Variants in TENM4 observed in about 807,000 individuals in gnomAD.
TENM4 encodes the protein teneurin transmembrane protein 4.
TENM4 carries 82 observed loss-of-function variants against 243.3 expected under a neutral mutation model. The observed-to-expected ratio is 0.34, with a 90% CI of 0.28 to 0.40. The LOEUF is 0.40. Ranked by LOEUF, TENM4 falls within the 10% of genes least tolerant of loss-of-function variation. The pLI is 1.00. For missense variants in TENM4, 3,138 were observed against 3,673.3 expected (o/e 0.85, Z 3.77); for synonymous variants, 1,412 against 1,456.3 (o/e 0.97, Z 0.69).
intron 5 of TENM4, 85 bp from the exon 6 acceptor site, chr11:79,065,092 C>G: frequency 7.1e-7 from 1 of 1,417,326 alleles, no homozygotes; most frequent in South Asian, 1.6e-5. Flanking sequence ...CTTCTTACCC[C>G]AGGGCTCACT....
At chr11:79,020,621 A>T (rs1858901817) in intron 6 of TENM4, among the ~76,000 whole-genome samples, 1 of 151,476 alleles carries the variant, frequency 6.6e-6, no homozygotes, top group Non-Finnish European at 1.5e-5. Flanking sequence ...TTTTCCTGGC[A>T]TTAAAAAAAA....
At chr11:79,145,422 C>T (rs1862379026) in intron 4 of TENM4, among the ~76,000 whole-genome samples, 1 of 152,074 alleles carries the variant, frequency 6.6e-6, no homozygotes, top group Non-Finnish European at 1.5e-5. Flanking sequence ...GGGCAACCAC[C>T]ATCCAGACTT....
chr11:78,747,436 G>A (rs905583546), intron 19 of TENM4, among the ~76,000 whole-genome samples: 1 of 152,248 alleles, frequency 6.6e-6, no homozygotes, highest in Non-Finnish European at 1.5e-5. Flanking sequence ...CAGTAGGAAG[G>A]ATGTGAGGTT....
intron 4 of TENM4, among the ~76,000 whole-genome samples, chr11:79,124,869 G>T (rs1030584361): frequency 8.5e-6 from 1 of 117,394 alleles, no homozygotes; most frequent in Admixed American, 9.3e-5. Flanking sequence ...ATATGTATAT[G>T]TATGTGTATA....
chr11:79,222,987 G>C (rs1864193269), intron 2 of TENM4, among the ~76,000 whole-genome samples: 1 of 152,096 alleles, frequency 6.6e-6, no homozygotes, highest in Non-Finnish European at 1.5e-5. Context: ...GCCTGTCAGG[G>C]GGTTTGGGGA....
chr11:79,016,429 A>T (rs1380236864), intron 6 of TENM4, among the ~76,000 whole-genome samples: 1 of 152,146 alleles, frequency 6.6e-6, no homozygotes, highest in East Asian at 1.9e-4. Context: ...CACTCCATTT[A>T]CTGAGATGGG....
intron 6 of TENM4, among the ~76,000 whole-genome samples, chr11:78,935,788 C>T (rs115960202): frequency 0.012 from 1,843 of 152,252 alleles, 57 homozygotes; most frequent in African/African-American, 0.042. Flanking sequence ...GAAATATGTA[C>T]TCTATTGAAG....
In TENM4 at chr11:78,883,360, T is replaced by G. The variant is rs561703649; in HGVS notation, c.1084+6425A>C. 2.0e-5 allele frequency among the ~76,000 whole-genome samples: 3 copies of G among 152,322 alleles called. No individual in the cohort carries two copies. In the East Asian group the frequency reaches 5.8e-4, roughly 29 times the overall value. On this transcript the variant is annotated intron_variant, in intron 9 of 33. Coordinates refer to ENST00000278550, the MANE Select transcript of TENM4 (RefSeq NM_001098816.3). ...ATGAGGAAACCAAGGATCAAATGGC[T>G]AAACAGCTGGAGAGTGGCAGTGCTG...
intron 1 of TENM4, among the ~76,000 whole-genome samples, chr11:79,316,513 T>C (rs1172927682): frequency 1.3e-5 from 2 of 152,216 alleles, no homozygotes; most frequent in Non-Finnish European, 2.9e-5. Flanking sequence ...GGTTGAGTAT[T>C]ACTGTCTGCA....
chr11:79,381,868 G>A (rs574473848), intron 1 of TENM4, among the ~76,000 whole-genome samples: 10 of 151,986 alleles, frequency 6.6e-5, no homozygotes, highest in East Asian at 1.9e-4. Context: ...GACCAAGGCC[G>A]TCCTGTTCCA....
chr11:79,307,368 G>A (rs538373170), intron 1 of TENM4, among the ~76,000 whole-genome samples: 14 of 151,970 alleles, frequency 9.2e-5, no homozygotes, highest in Non-Finnish European at 1.0e-4. Context: ...ACCTTCCACC[G>A]GCCGCACAAG....
chr11:78,670,624 T>A, intron 31 of TENM4, 73 bp from the exon 32 acceptor site: 1 of 1,406,344 alleles, frequency 7.1e-7, no homozygotes, highest in Non-Finnish European at 9.7e-7. Flanking sequence ...TACCCGAGAC[T>A]TAAAGGGACG....
At chr11:79,369,562 C>T (rs493524) in intron 1 of TENM4, among the ~76,000 whole-genome samples, 23,086 of 152,150 alleles carry the variant, frequency 0.15, 1,911 homozygotes, top group East Asian at 0.27. Context: ...ATCTTCCTTT[C>T]CTCATTCTCT....
At chr11:79,301,034 T>A (rs1308454833) in intron 1 of TENM4, among the ~76,000 whole-genome samples, 2 of 152,102 alleles carry the variant, frequency 1.3e-5, no homozygotes, top group Non-Finnish European at 2.9e-5. Flanking sequence ...TCCCTCTCCA[T>A]CTCCATGCCC....
intron 6 of TENM4, among the ~76,000 whole-genome samples, chr11:79,005,406 C>T (rs1342113420): frequency 5.3e-5 from 8 of 152,112 alleles, no homozygotes; most frequent in East Asian, 1.9e-4. Context: ...TAATCCACCA[C>T]GATCAATTAG....
Position 78,670,399 on chromosome 11 carries a change from AGGG to A in TENM4, c.5943_5945del (p.Pro1982del). On this transcript the variant is annotated inframe_deletion, in exon 32 of 34. Transcript: ENST00000278550. ...CCTGTATGACTGAGGCATTGCCCTCAGGGGGCTGATAGATGTTTCTGTAGTAGC... is the reference window on the plus strand; with the variant it reads ...CCTGTATGACTGAGGCATTGCCCTCAGGCTGATAGATGTTTCTGTAGTAGC... 1 of 1,613,960 alleles carries A rather than the reference AGGG, an allele frequency of 6.2e-7. No homozygotes were observed. The highest frequency in any genetic ancestry group is 8.5e-7 in the Non-Finnish European group (1 of 1,179,878).
At chr11:79,350,674 G>A (rs1857400078) in intron 1 of TENM4, among the ~76,000 whole-genome samples, 2 of 150,710 alleles carry the variant, frequency 1.3e-5, no homozygotes, top group South Asian at 2.1e-4. Flanking sequence ...TCCTGGCCTC[G>A]AGTGGTCCTC....
chr11:79,335,564 T>G (rs1857134497), intron 1 of TENM4, among the ~76,000 whole-genome samples: 1 of 152,236 alleles, frequency 6.6e-6, no homozygotes, highest in African/African-American at 2.4e-5. Flanking sequence ...AAGTCAGGAT[T>G]GAAGACTGCA....
chr11:79,409,087 TGTGTGTGTGTGTGTGCGC>T (rs773917748), intron 1 of TENM4, among the ~76,000 whole-genome samples: 1,448 of 119,906 alleles, frequency 0.012, 17 homozygotes, highest in Middle Eastern at 0.05. Flanking sequence ...TGTGTGTGTG[TGTGTGTGTGTGTGTGCGC>T]GCGCGCGCGT....
Sources: gnomAD v4.1 joint callset for allele counts (sites outside exome capture counted in the v4.1 genomes callset) on GRCh38, gnomAD v4.1.1 for gene constraint, MANE v1.5 for transcripts, NCBI Gene and HGNC (gene_info 2026-07-23, HGNC 2026-07-21) for gene names.